EPHB4: variants seen among roughly 807,000 people sequenced by gnomAD.
The protein encoded by EPHB4 is EPH receptor B4.
A neutral mutation model predicts 110.6 loss-of-function variants in EPHB4; 50 were observed. The ratio of observed to expected loss-of-function variants is 0.45; its 90% confidence interval spans 0.36 to 0.57. EPHB4 has a LOEUF of 0.57. Ranked by LOEUF, EPHB4 falls within the 20% of genes least tolerant of loss-of-function variation. The pLI is 0.00. For missense variants in EPHB4, 1,128 were observed against 1,382.1 expected (o/e 0.82, Z 2.91); for synonymous variants, 592 against 578.4 (o/e 1.02, Z -0.34).
chr7:100,820,008 T>C, intron 5 of EPHB4, 119 bp from the exon 6 acceptor site: 2 of 1,481,874 alleles, frequency 1.3e-6, no homozygotes, highest in Non-Finnish European at 9.0e-7. Flanking sequence ...GCTCCACATG[T>C]TCCTCCGGGC....
intron 1 of EPHB4, 21 bp downstream of exon 1, chr7:100,826,958 C>CT (rs762258031): frequency 1.3e-6 from 2 of 1,539,818 alleles, no homozygotes; most frequent in Admixed American, 3.9e-5. Flanking sequence ...GGGGTGCGCC[C>CT]CCCCCCGCAA....
chr7:100,822,429 A>T lies in EPHB4; in HGVS notation c.650T>A (p.Val217Glu), dbSNP rs758312302. 1.6e-5 allele frequency: 25 copies of T among 1,600,486 alleles called. No individual in the cohort carries two copies. The Admixed American group carries it at 4.3e-4, about 27-fold the overall frequency. Residue 217 changes from valine (V) to glutamate (E), a missense_variant, in exon 4 of 17, where the codon GTG becomes GAG. Val to Glu is a moderately radical substitution (Grantham distance 121). Around this residue, in one of 3 missense-constraint regions of EPHB4, gnomAD observed 728 missense variants for 828.6 expected, o/e 0.88. Transcript: ENST00000358173. The surrounding 1 kb of genome is among the most constrained non-coding windows in gnomAD (Gnocchi z 4.7). ...FPETVPRELV[V>E]PVAGSCVVDA... is the part of the protein sequence containing the mutation. ...CACCACGCAGCTACCGGCCACGGGC[A>T]CAACCAGCTCCCGAGGCACAGTCTC...
At chr7:100,804,242 C>A (rs539814499) in intron 16 of EPHB4, among the ~76,000 whole-genome samples, 1 of 150,814 alleles carries the variant, frequency 6.6e-6, no homozygotes, top group South Asian at 2.1e-4. Context: ...CTCAAGCAAT[C>A]GGTCCACCTG....
In EPHB4 at chr7:100,827,128, G is replaced by A; in HGVS notation, c.-98C>T. 7.5e-7 allele frequency: 1 copy of A among 1,340,326 alleles called. No homozygotes were observed. Among genetic ancestry groups the A allele is most frequent in the Non-Finnish European group, 1.0e-6 (1 of 985,468 alleles). 83.0% of individuals were successfully genotyped at this position (1,340,326 alleles called of 1,614,324 possible). ...GGGCGGGTGGACGCCGATACTCCGC[G>A]CGGGACTCCTCGTCGGGGCCCTCAG... is the stretch of plus-strand genomic sequence containing the variant. On this transcript the variant is annotated 5_prime_UTR_variant, in exon 1 of 17. Transcript: ENST00000358173.
At chr7:100,816,743 TCTC>T (rs1434781160) in intron 8 of EPHB4, among the ~76,000 whole-genome samples, 1 of 151,952 alleles carries the variant, frequency 6.6e-6, no homozygotes, top group Non-Finnish European at 1.5e-5. Context: ...TCTTACGTTC[TCTC>T]CTCTCTAGGG....
chr7:100,826,652 G>C (rs966360553), intron 1 of EPHB4, among the ~76,000 whole-genome samples: 1 of 152,114 alleles, frequency 6.6e-6, no homozygotes, highest in African/African-American at 2.4e-5. Flanking sequence ...AAACTTTGCA[G>C]ATAGTTTTGA....
chr7:100,808,645 G>A (rs1812865605), intron 12 of EPHB4, among the ~76,000 whole-genome samples: 4 of 152,176 alleles, frequency 2.6e-5, no homozygotes, highest in Admixed American at 2.6e-4. Flanking sequence ...CCAATGATCG[G>A]TGCAAAAACC....
In EPHB4 at chr7:100,812,914, C is replaced by G. The variant is rs1377618117; in HGVS notation, c.1951G>C (p.Gly651Arg). The part of the protein sequence containing the change: ...ESCVAIKTLK[G>R]GYTERQRREF... ...CGCCGCTGCCGCTCCGTGTAGCCAC[C>G]CTTCAGGGTCTTGATTGCCACACAG... The change falls in exon 12 of 17, where the codon GGT becomes CGT. Residue 651 changes from glycine to arginine, a missense_variant. Coordinates refer to ENST00000358173, the MANE Select transcript of EPHB4 (RefSeq NM_004444.5). 2 of 1,614,220 alleles carry G rather than the reference C, an allele frequency of 1.2e-6. No homozygotes were observed. The highest frequency in any genetic ancestry group is 1.7e-6 in the Non-Finnish European group (2 of 1,180,042).
chr7:100,805,872 A>C, intron 14 of EPHB4, 178 bp from the exon 15 acceptor site: 1 of 537,470 alleles, frequency 1.9e-6, no homozygotes, highest in African/African-American at 2.0e-5. Context: ...AGGCCCCAGC[A>C]GCTCTTGGGC....
intron 12 of EPHB4, 33 bp downstream of exon 12, chr7:100,812,714 C>T (rs373122963): frequency 5.0e-5 from 80 of 1,594,860 alleles, no homozygotes; most frequent in Non-Finnish European, 5.9e-5. Flanking sequence ...GTGGGAACTC[C>T]GGGTGGCCGC....
intron 16 of EPHB4, 39 bp downstream of exon 16, chr7:100,805,127 C>G (rs766877147): frequency 6.3e-7 from 1 of 1,596,774 alleles, no homozygotes; most frequent in African/African-American, 1.3e-5. Flanking sequence ...CCAGCTGCCC[C>G]GCTCTCCCAG....
chr7:100,824,336 A>T (rs1813318804), intron 1 of EPHB4, 63 bp from the exon 2 acceptor site: 1 of 1,565,670 alleles, frequency 6.4e-7, no homozygotes, highest in Admixed American at 1.7e-5. Context: ...GGAAGACCAG[A>T]TCCCTGGGAA....
At chr7:100,826,889 CAG>C in intron 1 of EPHB4, 88 bp downstream of exon 1, 1 of 1,456,556 alleles carries the variant, frequency 6.9e-7, no homozygotes, top group Non-Finnish European at 9.2e-7. Flanking sequence ...TAGGGGTAGT[CAG>C]AGGCCGGCCC....
Position 100,812,735 on chromosome 7 carries a change from G to T in EPHB4, c.2118+12C>A, listed in dbSNP as rs775722500. ...ACTCCGGGTGGCCGCAGAAGCCAGGGAGGGTGCTCACCCGCAGGAAGGAGT... is the reference window on the plus strand; with the variant it reads ...ACTCCGGGTGGCCGCAGAAGCCAGGTAGGGTGCTCACCCGCAGGAAGGAGT... On this transcript the variant is annotated intron_variant, in intron 12 of 16. Transcript: ENST00000358173. The T allele has an allele frequency of 1.2e-6, 2 of 1,609,454 alleles. No homozygotes were observed. The highest frequency in any genetic ancestry group is 2.2e-5 in the South Asian group (2 of 90,966).
rs1812794761 is a variant in EPHB4, at chr7:100,805,333, G to T, written c.2679-12C>A. 1 of 1,613,574 alleles carries T rather than the reference G, an allele frequency of 6.2e-7. No individual in the cohort carries two copies. Among genetic ancestry groups the T allele is most frequent in the Non-Finnish European group, 8.5e-7 (1 of 1,179,820 alleles). ...GAGGGTGTGAGGCCCTAGGGGGCAA[G>T]GATGGGGAGGAATGCTGAGTACCAG... On this transcript the variant is annotated splice_polypyrimidine_tract_variant and intron_variant, in intron 15 of 16. Coordinates refer to ENST00000358173, the MANE Select transcript of EPHB4 (RefSeq NM_004444.5).
chr7:100,813,401 C>T (rs1423912329), intron 10 of EPHB4, 193 bp from the exon 11 acceptor site: 12 of 641,326 alleles, frequency 1.9e-5, no homozygotes, highest in African/African-American at 1.1e-4. Flanking sequence ...CTGCAATCTC[C>T]GCCTCCCGGG....
intron 8 of EPHB4, among the ~76,000 whole-genome samples, chr7:100,816,936 G>A (rs1813085494): frequency 1.3e-5 from 2 of 151,982 alleles, no homozygotes; most frequent in East Asian, 2.0e-4. Context: ...ACAAAAAATC[G>A]GCCAGGCGCG....
intron 10 of EPHB4, 80 bp from the exon 11 acceptor site, chr7:100,813,288 CA>C (rs1812986025): frequency 9.9e-7 from 1 of 1,008,054 alleles, no homozygotes; most frequent in South Asian, 1.5e-5. Flanking sequence ...CTTTTAGCCC[CA>C]AACCCCTGTC....
intron 8 of EPHB4, 116 bp downstream of exon 8, chr7:100,817,076 C>T (rs1388748134): frequency 9.3e-7 from 1 of 1,073,314 alleles, no homozygotes; most frequent in East Asian, 3.3e-5. Context: ...GAGCAAGACT[C>T]CATCTCAAAA....
Sources: allele counts gnomAD v4.1 joint callset (sites outside exome capture counted in the v4.1 genomes callset), GRCh38; gene constraint gnomAD v4.1.1; regional missense constraint gnomAD v4.1.1; non-coding constraint Gnocchi (gnomAD v3.1); transcripts MANE v1.5; gene names NCBI Gene and HGNC (gene_info 2026-07-23, HGNC 2026-07-21).